Variants in GLIS1 observed in about 807,000 individuals in gnomAD.
GLIS1 encodes zinc finger protein GLIS1.
In GLIS1, 24 loss-of-function variants were observed where a neutral mutation model predicts 63.8. The ratio of observed to expected loss-of-function variants is 0.38; its 90% CI spans 0.27 to 0.53. The LOEUF is 0.53. Among genes scored for constraint, GLIS1 ranks in the 20% least tolerant of loss-of-function variants. GLIS1 has a pLI of 0.85. For synonymous variants in GLIS1, 450 were observed against 482.5 expected (o/e 0.93, Z 0.88); for missense variants, 1,036 against 1,074.1 (o/e 0.96, Z 0.50).
intron 2 of GLIS1, among the ~76,000 whole-genome samples, chr1:53,606,135 A>AC (rs1645367454): frequency 1.3e-5 from 2 of 152,256 alleles, no homozygotes; most frequent in Non-Finnish European, 2.9e-5. Context: ...GAGGTAATGT[A>AC]CATGGAGTCT....
chr1:53,727,489 G>A (rs919711213), intron 2 of GLIS1, among the ~76,000 whole-genome samples: 3 of 152,322 alleles, frequency 2.0e-5, no homozygotes, highest in South Asian at 2.1e-4. Context: ...GCAACCACTC[G>A]TAGCTGCTCT....
chr1:53,575,580 G>A (rs540980605), intron 4 of GLIS1, among the ~76,000 whole-genome samples: 8 of 152,314 alleles, frequency 5.3e-5, no homozygotes, highest in African/African-American at 1.7e-4. Context: ...TATCCATCCC[G>A]TGGTTGGTTG....
chr1:53,711,459 A>G (rs1322983933), intron 2 of GLIS1, among the ~76,000 whole-genome samples: 1 of 152,212 alleles, frequency 6.6e-6, no homozygotes, highest in African/African-American at 2.4e-5. Context: ...CAAATAAATA[A>G]AAGCCTCTGT....
chr1:53,701,805 C>T (rs112676790), intron 2 of GLIS1, among the ~76,000 whole-genome samples: 5,169 of 152,064 alleles, frequency 0.034, 133 homozygotes, highest in South Asian at 0.13. Context: ...CCAGCCTGCC[C>T]AGCATGGAGA....
At chr1:53,682,654 C>A (rs538398939) in intron 2 of GLIS1, among the ~76,000 whole-genome samples, 1 of 152,372 alleles carries the variant, frequency 6.6e-6, no homozygotes, top group African/African-American at 2.4e-5. Context: ...GGCAAGGAGA[C>A]AAAGGCTTAG....
chr1:53,577,072 C>T (rs970102385), intron 4 of GLIS1, among the ~76,000 whole-genome samples: 1 of 151,474 alleles, frequency 6.6e-6, no homozygotes, highest in South Asian at 2.1e-4. Flanking sequence ...CCAATAAATG[C>T]TGATGTCCCC....
intron 2 of GLIS1, among the ~76,000 whole-genome samples, chr1:53,636,709 G>A (rs1296321233): frequency 3.3e-5 from 5 of 152,212 alleles, no homozygotes; most frequent in Non-Finnish European, 7.3e-5. Context: ...CTCACCCTGA[G>A]CATCACCTGT....
At chr1:53,625,649 G>A (rs1645586777) in intron 2 of GLIS1, among the ~76,000 whole-genome samples, 1 of 152,200 alleles carries the variant, frequency 6.6e-6, no homozygotes, top group Non-Finnish European at 1.5e-5. Context: ...CATGGAGTGA[G>A]CTCCTATTGT....
At chr1:53,548,914 T>C (rs937274410) in intron 4 of GLIS1, among the ~76,000 whole-genome samples, 1 of 152,230 alleles carries the variant, frequency 6.6e-6, no homozygotes, top group Non-Finnish European at 1.5e-5. Context: ...AGAAACCTTG[T>C]ATCTACTAGC....
rs779089867 is a variant in GLIS1 at position 53,514,584 on chromosome 1, C to T, written c.1883+41G>A. ...TCTCCCTGCCTCCCCCCGAGATCCCCCCTTGTTGCCCCTGGAGGAGGACTG... is the reference window on the plus strand; with the variant it reads ...TCTCCCTGCCTCCCCCCGAGATCCCTCCTTGTTGCCCCTGGAGGAGGACTG... On this transcript the variant is annotated intron_variant, in intron 8 of 10. Coordinates refer to ENST00000628545, the MANE Select transcript of GLIS1 (RefSeq NM_001367484.1). 5 of 1,597,950 alleles carry T rather than the reference C, an allele frequency of 3.1e-6. No homozygotes were observed. The African/African-American group carries it at 6.7e-5, about 22-fold the overall frequency.
chr1:53,558,462 T>G (rs1332999146), intron 4 of GLIS1, among the ~76,000 whole-genome samples: 1 of 152,190 alleles, frequency 6.6e-6, no homozygotes, highest in Non-Finnish European at 1.5e-5. Context: ...CTTTCCACCC[T>G]GGGCCCTATA....
intron 2 of GLIS1, among the ~76,000 whole-genome samples, chr1:53,676,415 G>A (rs1014055294): frequency 1.3e-5 from 2 of 152,102 alleles, no homozygotes; most frequent in African/African-American, 4.8e-5. Context: ...CCCACACCCT[G>A]GCACAGCAAC....
intron 2 of GLIS1, among the ~76,000 whole-genome samples, chr1:53,715,345 G>A (rs1001516794): frequency 1.3e-5 from 2 of 152,172 alleles, no homozygotes; most frequent in African/African-American, 2.4e-5. Context: ...CACACCAGGC[G>A]GAGGGAGTGG....
chr1:53,599,915 T>C (rs1289729787), intron 3 of GLIS1, among the ~76,000 whole-genome samples, 186 bp downstream of exon 3: 1 of 152,234 alleles, frequency 6.6e-6, no homozygotes, highest in Non-Finnish European at 1.5e-5. Context: ...CAGAACCATC[T>C]TGTGTCTCTC....
At chr1:53,510,080 C>T in intron 8 of GLIS1, 53 bp from the exon 9 acceptor site, 1 of 1,098,128 alleles carries the variant, frequency 9.1e-7, no homozygotes, top group Non-Finnish European at 1.2e-6. Flanking sequence ...GGGTGGGGGC[C>T]AGAGGCAGGG....
intron 2 of GLIS1, among the ~76,000 whole-genome samples, chr1:53,681,866 T>G (rs1164296278): frequency 6.6e-6 from 1 of 151,734 alleles, no homozygotes; most frequent in Non-Finnish European, 1.5e-5. Context: ...CCTCTTCTTC[T>G]GTAGAGCCAT....
chr1:53,585,857 G>C (rs988139332), intron 4 of GLIS1, among the ~76,000 whole-genome samples: 42 of 152,220 alleles, frequency 2.8e-4, no homozygotes, highest in African/African-American at 1.0e-3. Context: ...TGCAGGTACA[G>C]AGCACAGCCC....
At chr1:53,556,574 GTATGCAGGTGTACTGTAGGTT>G (rs1644832275) in intron 4 of GLIS1, among the ~76,000 whole-genome samples, 4 of 145,600 alleles carry the variant, frequency 2.7e-5, no homozygotes, top group African/African-American at 7.8e-5. Context: ...AGGGGTGTGT[GTATGCAGGTGTACTGTAGGTT>G]TGTGTGTGTG....
intron 2 of GLIS1, among the ~76,000 whole-genome samples, chr1:53,656,487 A>G (rs1645966918): frequency 1.3e-5 from 2 of 152,258 alleles, no homozygotes; most frequent in Admixed American, 6.5e-5. Flanking sequence ...TTGAACACAG[A>G]TGGCAGGAAA....
Sources: gnomAD v4.1 joint callset for allele counts (sites outside exome capture counted in the v4.1 genomes callset) on GRCh38, gnomAD v4.1.1 for gene constraint, MANE v1.5 for transcripts, NCBI Gene and HGNC (gene_info 2026-07-23, HGNC 2026-07-21) for gene names.